CDCA5: variants seen among roughly 807,000 people sequenced by gnomAD.
CDCA5 encodes the protein cell division cycle associated 5.
CDCA5 carries 14 observed loss-of-function variants against 25.7 expected under a neutral mutation model. That is an observed-to-expected ratio of 0.54 (90% CI 0.36 to 0.85). The LOEUF is 0.85. Ranked by LOEUF, CDCA5 falls within the 40% of genes least tolerant of loss-of-function variation. The pLI, the probability that CDCA5 is intolerant of heterozygous loss-of-function variation, is 0.01. For synonymous variants in CDCA5, 127 were observed against 128.7 expected, an observed-to-expected ratio of 0.99 and a Z score of 0.09; for missense variants, 307 against 324.5, an observed-to-expected ratio of 0.95 and a Z score of 0.41.
Position 65,079,065 on chromosome 11 carries a change from G to T in CDCA5, c.*42C>A. The T allele has an allele frequency of 6.7e-7, 1 of 1,501,830 alleles. No individual in the cohort carries two copies. The highest frequency in any genetic ancestry group is 1.4e-5 in the South Asian group (1 of 71,500). 93.0% of individuals were successfully genotyped at this position (1,501,830 alleles called of 1,614,324 possible). A position where few individuals can be genotyped will look rare whatever the true frequency, so the allele number is the denominator to read the frequency against. ...TCCACAGGGAGGTGGCTATGTACAG[G>T]ACAGGAGGGAGAGTCTGGCCAGGTG... is the stretch of plus-strand genomic sequence containing the variant. On this transcript the variant is annotated 3_prime_UTR_variant, in exon 6 of 6. Transcript: ENST00000275517.
intron 4 of CDCA5, among the ~76,000 whole-genome samples, chr11:65,067,475 C>T (rs372072089): frequency 1.3e-5 from 2 of 152,330 alleles, no homozygotes; most frequent in South Asian, 4.1e-4. Context: ...CAGAGCCCGA[C>T]ATCCAGAGAA....
chr11:65,076,026 G>A (rs1272227874), downstream of CDCA5, among the ~76,000 whole-genome samples: 2 of 152,206 alleles, frequency 1.3e-5, no homozygotes, highest in Non-Finnish European at 2.9e-5. Context: ...CGAGGGCATT[G>A]GGAATAAATT....
chr11:65,069,350 T>G (rs1423681027), intron 1 of CDCA5, among the ~76,000 whole-genome samples: 1 of 152,108 alleles, frequency 6.6e-6, no homozygotes, highest in Non-Finnish European at 1.5e-5. Context: ...ATGGTCCTTC[T>G]TCACACTGAG....
chr11:65,083,577 C>T, intron 2 of CDCA5, 27 bp from the exon 3 acceptor site: 1 of 1,614,096 alleles, frequency 6.2e-7, no homozygotes. Context: ...AACGTGAGCT[C>T]AACATTAGGT....
chr11:65,078,584 C>A lies in CDCA5; in HGVS notation c.*523G>T. On this transcript the variant is annotated 3_prime_UTR_variant, in exon 6 of 6. Transcript: ENST00000275517. ...ATTGCCCTCAGCCCACGAATTCTCTCTGGGACTATTTACAGAATCAAAGGG... is the reference window on the plus strand; with the variant it reads ...ATTGCCCTCAGCCCACGAATTCTCTATGGGACTATTTACAGAATCAAAGGG... 1 of 986,004 alleles carries A rather than the reference C, an allele frequency of 1.0e-6. No homozygotes were observed. Among genetic ancestry groups the A allele is most frequent in the Non-Finnish European group, 1.2e-6 (1 of 830,360 alleles). The allele number at this position is 986,004 out of a possible 1,614,324, so 61.1% of individuals were successfully genotyped here.
intron 3 of CDCA5, chr11:65,067,936 G>A: frequency 1.0e-6 from 1 of 982,544 alleles, no homozygotes; most frequent in South Asian, 1.3e-5. Context: ...GGGGTGGGGA[G>A]AAACACCATC....
At chr11:65,065,168 C>A (rs755616540), downstream of CDCA5, among the ~76,000 whole-genome samples, 12 of 152,036 alleles carry the variant, frequency 7.9e-5, no homozygotes, top group Non-Finnish European at 1.5e-4. Flanking sequence ...ATCCATTAGA[C>A]CTAGATGCTG....
chr11:65,071,217 T>C (rs557036826), intron 1 of CDCA5, among the ~76,000 whole-genome samples: 1,778 of 151,222 alleles, frequency 0.012, 16 homozygotes, highest in Non-Finnish European at 0.02. Flanking sequence ...GCTGAGATTA[T>C]AGGTGTGAGC....
downstream of CDCA5, among the ~76,000 whole-genome samples, chr11:65,064,838 T>C (rs1947217796): frequency 6.6e-6 from 1 of 152,272 alleles, no homozygotes; most frequent in Admixed American, 6.5e-5. Flanking sequence ...CTGAGTAATA[T>C]AGCAAGACCC....
chr11:65,082,937 T>A (rs1213324816), intron 4 of CDCA5, among the ~76,000 whole-genome samples: 1 of 152,118 alleles, frequency 6.6e-6, no homozygotes, highest in Non-Finnish European at 1.5e-5. Flanking sequence ...CTAAGCCCTA[T>A]CAGCTCTTCA....
rs1440635046 is a variant in CDCA5 at position 65,079,634 on chromosome 11, C to G, written c.397G>C (p.Ala133Pro). The change falls in exon 5 of 6, where the codon GCC becomes CCC. Residue 133 changes from alanine to proline, a missense_variant. Physicochemically the swap from Ala to Pro is conservative, Grantham distance 27. Transcript: ENST00000275517. Reference protein sequence around the residue: ...ESSSKEGELDARDLEMSKKVR... With the variant: ...ESSSKEGELDPRDLEMSKKVR... ...TTCTTAGACATTTCCAAGTCTCTGG[C>G]GTCCAGCTCTCCTTCCTTGGAGCTG... 1 of 1,608,128 alleles carries G rather than the reference C, an allele frequency of 6.2e-7. No homozygotes were observed. The highest frequency in any genetic ancestry group is 1.7e-5 in the Admixed American group (1 of 59,442).
chr11:65,078,275 G>A lies in CDCA5; in HGVS notation c.*832C>T. The A allele has an allele frequency of 3.0e-6, 3 of 985,410 alleles. No homozygotes were observed. Among genetic ancestry groups the A allele is most frequent in the Non-Finnish European group, 3.6e-6 (3 of 829,934 alleles). 61.0% of individuals were successfully genotyped at this position (985,410 alleles called of 1,614,324 possible). A position where few individuals can be genotyped will look rare whatever the true frequency, so the allele number is the denominator to read the frequency against. On this transcript the variant is annotated 3_prime_UTR_variant, in exon 6 of 6. Coordinates refer to ENST00000275517, the MANE Select transcript of CDCA5 (RefSeq NM_080668.4). ...CCACCTTCCACCCCTGCAGCAGAGT[G>A]GTAAGACTCCAGCGTGGGCCCTGTG...
At chr11:65,072,459 G>A (rs1344609993), downstream of CDCA5, among the ~76,000 whole-genome samples, 2 of 152,228 alleles carry the variant, frequency 1.3e-5, no homozygotes, top group Admixed American at 1.3e-4. Flanking sequence ...TCCAAGAAAT[G>A]GGGACAGGTG....
chr11:65,082,535 C>T (rs1394654539), intron 4 of CDCA5, among the ~76,000 whole-genome samples: 2 of 150,440 alleles, frequency 1.3e-5, no homozygotes, highest in African/African-American at 4.9e-5. Flanking sequence ...TGATCTCGGC[C>T]CACTGCAACC....
At chr11:65,063,131 C>G (rs1947200985), downstream of CDCA5, among the ~76,000 whole-genome samples, 1 of 152,216 alleles carries the variant, frequency 6.6e-6, no homozygotes, top group Non-Finnish European at 1.5e-5. Context: ...GGAAGCAGAT[C>G]CCCTCTGGGT....
chr11:65,067,643 C>T (rs1053753550), intron 4 of CDCA5: 20 of 1,288,212 alleles, frequency 1.6e-5, no homozygotes, highest in African/African-American at 9.1e-5. Flanking sequence ...CCCATCTGCC[C>T]GCCCAGATCA....
downstream of CDCA5, chr11:65,066,358 C>G (rs1419482269): frequency 3.4e-6 from 4 of 1,180,312 alleles, no homozygotes; most frequent in African/African-American, 1.6e-5. Context: ...AGCGGCCTCC[C>G]GAGGAGGTGT....
At chr11:65,075,062 CAAAAAA>C (rs56076033), downstream of CDCA5, among the ~76,000 whole-genome samples, 2 of 66,194 alleles carry the variant, frequency 3.0e-5, no homozygotes, top group East Asian at 4.0e-4. Flanking sequence ...AACTCCGTCT[CAAAAAA>C]AAAAAAAAAA....
intron 2 of CDCA5, chr11:65,068,172 G>C (rs1373420250): frequency 8.7e-7 from 1 of 1,153,852 alleles, no homozygotes; most frequent in Non-Finnish European, 1.2e-6. Flanking sequence ...GCTCACCCAA[G>C]AGCCTGGGTC....
Sources: gnomAD v4.1 joint callset for allele counts (sites outside exome capture counted in the v4.1 genomes callset) on GRCh38, gnomAD v4.1.1 for gene constraint, MANE v1.5 for transcripts, NCBI Gene and HGNC (gene_info 2026-07-23, HGNC 2026-07-21) for gene names.